The following EIF3L variants were observed in gnomAD, a reference collection of about 807,000 sequenced individuals.
EIF3L encodes eukaryotic translation initiation factor 3 subunit L.
EIF3L carries 32 observed loss-of-function variants against 74.6 expected under a neutral mutation model. The ratio of observed to expected loss-of-function variants is 0.43; its 90% confidence interval spans 0.32 to 0.58. EIF3L has a LOEUF of 0.58. Ranked by LOEUF, EIF3L falls within the 20% of genes least tolerant of loss-of-function variation. The pLI is 0.06. For missense variants in EIF3L, 474 were observed against 707.8 expected (o/e 0.67, Z 3.75); for synonymous variants, 256 against 254.4 (o/e 1.01, Z -0.06).
intron 4 of EIF3L, among the ~76,000 whole-genome samples, chr22:37,856,857 AG>A (rs1925542406): frequency 6.6e-6 from 1 of 151,176 alleles, no homozygotes; most frequent in Non-Finnish European, 1.5e-5. Flanking sequence ...AAAAAAAAAA[AG>A]AAAGAAAGAA....
intron 5 of EIF3L, among the ~76,000 whole-genome samples, chr22:37,859,655 G>T (rs111450644): frequency 0.054 from 8,174 of 151,344 alleles, 721 homozygotes; most frequent in African/African-American, 0.18. Context: ...GTGCTGGGAT[G>T]ACAGGCGTGA....
In EIF3L at chr22:37,875,796, G is replaced by A. The variant is rs780634556; in HGVS notation, c.907-45G>A. ...GTGTTTCTACCTCTGGTTCTATCTA[G>A]GATGAATTGGGACTCATGAATGTTT... On this transcript the variant is annotated intron_variant, in intron 9 of 12. Coordinates refer to ENST00000652021, the MANE Select transcript of EIF3L (RefSeq NM_016091.4). 1.3e-5 allele frequency: 21 copies of A among 1,575,564 alleles called. No individual in the cohort carries two copies. In the African/African-American group the frequency reaches 2.8e-4, roughly 21 times the overall value.
At chr22:37,868,884 C>T (rs1053399842) in intron 7 of EIF3L, among the ~76,000 whole-genome samples, 2 of 151,730 alleles carry the variant, frequency 1.3e-5, no homozygotes, top group Non-Finnish European at 2.9e-5. Flanking sequence ...TCAGGTAATC[C>T]GCCTGCATCG....
intron 3 of EIF3L, among the ~76,000 whole-genome samples, chr22:37,854,728 A>G (rs913571721): frequency 3.3e-5 from 5 of 152,140 alleles, no homozygotes; most frequent in African/African-American, 1.2e-4. Flanking sequence ...CAGCCTCCCA[A>G]AGTGTTGAGA....
At chr22:37,871,872 G>GA (rs34538530) in intron 8 of EIF3L, among the ~76,000 whole-genome samples, 2,041 of 119,694 alleles carry the variant, frequency 0.017, 58 homozygotes, top group African/African-American at 0.055. Context: ...CTGTCTCGGG[G>GA]AAAAAAAAAA....
Position 37,863,614 on chromosome 22 carries a change from A to G in EIF3L, c.579+269A>G, listed in dbSNP as rs532192426. Among the ~76,000 whole-genome samples, 4 of 152,272 alleles carry G rather than the reference A, an allele frequency of 2.6e-5. No individual in the cohort carries two copies. In the East Asian group the frequency reaches 7.7e-4, roughly 29 times the overall value. On this transcript the variant is annotated intron_variant, in intron 7 of 12. Transcript: ENST00000652021. ...CTTGTTAGGTGGTCTGGTGGTAAGA[A>G]CACAGGCTTCACAGGCTTTGGAGCG... is the stretch of plus-strand genomic sequence containing the variant.
intron 4 of EIF3L, 107 bp from the exon 5 acceptor site, chr22:37,858,569 ATGT>A (rs1366676368): frequency 4.3e-6 from 4 of 932,224 alleles, no homozygotes; most frequent in African/African-American, 1.7e-5. Context: ...AGCAATTTAG[ATGT>A]TGTTTAGTCT....
intron 5 of EIF3L, among the ~76,000 whole-genome samples, chr22:37,860,299 A>T (rs539461151): frequency 6.9e-6 from 1 of 145,672 alleles, no homozygotes; most frequent in East Asian, 1.9e-4. Flanking sequence ...CTGACATGAT[A>T]TCCAGCAAAT....
At position 37,877,945 on chromosome 22, in the gene EIF3L, A is replaced by C. The variant is rs1423558558; in HGVS notation, c.1349A>C (p.Glu450Ala). 1 of 1,612,542 alleles carries C rather than the reference A, an allele frequency of 6.2e-7. No homozygotes were observed. The highest frequency in any genetic ancestry group is 8.5e-7 in the Non-Finnish European group (1 of 1,179,866). ...FLQQLKVFSD[E>A]VQQQAQLSTI... Reference sequence around the variant, plus strand: ...CAGCAGCTGAAGGTGTTTTCTGATGAAGTACAGCAGCAGGCCCAGCTTTCA... The same window carrying C: ...CAGCAGCTGAAGGTGTTTTCTGATGCAGTACAGCAGCAGGCCCAGCTTTCA... Residue 450 changes from glutamate to alanine, a missense_variant, in exon 11 of 13, where the codon GAA becomes GCA. Coordinates refer to ENST00000652021, the MANE Select transcript of EIF3L (RefSeq NM_016091.4).
intron 1 of EIF3L, 192 bp downstream of exon 1, chr22:37,849,674 G>T: frequency 1.5e-6 from 1 of 648,302 alleles, no homozygotes; most frequent in Non-Finnish European, 2.7e-6. Flanking sequence ...TCGCGTGTTC[G>T]ATTGGCTTGT....
intron 5 of EIF3L, among the ~76,000 whole-genome samples, chr22:37,859,859 A>G (rs1925760688): frequency 6.6e-6 from 1 of 152,054 alleles, no homozygotes; most frequent in Non-Finnish European, 1.5e-5. Flanking sequence ...TGAAACTACA[A>G]AAATAAGCTG....
chr22:37,874,664 G>A, intron 9 of EIF3L, 140 bp downstream of exon 9: 1 of 1,009,598 alleles, frequency 9.9e-7, no homozygotes, highest in Non-Finnish European at 1.4e-6. Context: ...GACTAAAACT[G>A]GGCAAACAGC....
chr22:37,868,000 A>T (rs1926251184), intron 7 of EIF3L, among the ~76,000 whole-genome samples: 1 of 150,286 alleles, frequency 6.7e-6, no homozygotes, highest in South Asian at 2.1e-4. Flanking sequence ...TACTTTTCTG[A>T]TTTCCCATAT....
intron 4 of EIF3L, 177 bp from the exon 5 acceptor site, chr22:37,858,502 A>G (rs1925664017): frequency 3.0e-6 from 2 of 663,758 alleles, no homozygotes; most frequent in African/African-American, 3.7e-5. Flanking sequence ...ATTGAGGTTG[A>G]TGGAGTCAAA....
intron 3 of EIF3L, among the ~76,000 whole-genome samples, chr22:37,853,398 C>T (rs935452433): frequency 1.3e-5 from 2 of 152,176 alleles, no homozygotes; most frequent in African/African-American, 4.8e-5. Context: ...AGGTGGGTGA[C>T]CTGAAAGGCA....
At chr22:37,867,963 A>T (rs1348526275) in intron 7 of EIF3L, among the ~76,000 whole-genome samples, 1 of 151,428 alleles carries the variant, frequency 6.6e-6, no homozygotes, top group South Asian at 2.1e-4. Flanking sequence ...TCAAAAAAAA[A>T]AAAAAAAGAA....
intron 4 of EIF3L, among the ~76,000 whole-genome samples, chr22:37,858,219 CTTTTTTTTTTTTTT>C (rs549425262): frequency 1.2e-5 from 1 of 85,084 alleles, no homozygotes; most frequent in East Asian, 4.2e-4. Flanking sequence ...TTCTTTCTTC[CTTTTTTTTTTTTTT>C]TTTTTTTTTT....
intron 1 of EIF3L, 42 bp downstream of exon 1, chr22:37,849,524 G>T: frequency 1.3e-6 from 2 of 1,557,890 alleles, no homozygotes; most frequent in Non-Finnish European, 1.7e-6. Flanking sequence ...ACGACGGGGT[G>T]ATCTCTGGGA....
At chr22:37,852,425 C>T (rs1925277150) in intron 3 of EIF3L, among the ~76,000 whole-genome samples, 1 of 152,126 alleles carries the variant, frequency 6.6e-6, no homozygotes, top group Non-Finnish European at 1.5e-5. Flanking sequence ...CATATCAGAG[C>T]AAGCTGAACT....
Sources: gnomAD v4.1 joint callset for allele counts (sites outside exome capture counted in the v4.1 genomes callset) on GRCh38, gnomAD v4.1.1 for gene constraint, MANE v1.5 for transcripts, NCBI Gene and HGNC (gene_info 2026-07-23, HGNC 2026-07-21) for gene names.